MTRF1: variants seen among roughly 807,000 people sequenced by gnomAD.
MTRF1 encodes peptide chain release factor 1, mitochondrial.
MTRF1 carries 51 observed loss-of-function variants against 62.9 expected under a neutral mutation model. The ratio of observed to expected loss-of-function variants is 0.81; its 90% CI spans 0.65 to 1.02. The LOEUF (loss-of-function observed/expected upper bound fraction) is 1.02, where lower values mean the gene tolerates loss of function less well. Ranked by LOEUF, MTRF1 falls within the 50% of genes least tolerant of loss-of-function variation. The pLI is 0.00. For missense variants in MTRF1, 446 were observed against 530.0 expected, an observed-to-expected ratio of 0.84 and a Z score of 1.56; for synonymous variants, 158 against 181.9, an observed-to-expected ratio of 0.87 and a Z score of 1.06.
At chr13:41,254,872 TAGCTTAAAAC>T (rs1158764014) in intron 2 of MTRF1, among the ~76,000 whole-genome samples, 1 of 151,906 alleles carries the variant, frequency 6.6e-6, no homozygotes, top group Non-Finnish European at 1.5e-5. Context: ...AAAGGTAAAA[TAGCTTAAAAC>T]ATTTCATCTC....
Position 41,226,640 on chromosome 13 carries a change from A to G in MTRF1, c.989-72T>C, listed in dbSNP as rs936738169. On this transcript the variant is annotated intron_variant, in intron 7 of 9. Transcript: ENST00000379480. ...TTAAGATAGAACCAAGGAACAGTTA[A>G]ATGAGACAGGTTAATCAGGAAAAGA... 18 of 1,521,754 alleles carry G rather than the reference A, an allele frequency of 1.2e-5. No individual in the cohort carries two copies. In the African/African-American group the frequency reaches 1.9e-4, roughly 16 times the overall value. The allele number at this position is 1,521,754 out of a possible 1,614,324, so 94.3% of individuals were successfully genotyped here. A position where few individuals can be genotyped will look rare whatever the true frequency, so the allele number is the denominator to read the frequency against.
At chr13:41,224,527 T>C (rs953832266) in intron 8 of MTRF1, among the ~76,000 whole-genome samples, 11 of 152,240 alleles carry the variant, frequency 7.2e-5, no homozygotes, top group African/African-American at 1.9e-4. Flanking sequence ...ATCAGAATTA[T>C]GTATTTTGAG....
chr13:41,253,761 G>A (rs1260423167), intron 3 of MTRF1, among the ~76,000 whole-genome samples: 1 of 152,200 alleles, frequency 6.6e-6, no homozygotes, highest in Non-Finnish European at 1.5e-5. Context: ...CAGACTGAGA[G>A]TCAGACATCT....
intron 6 of MTRF1, among the ~76,000 whole-genome samples, chr13:41,239,102 A>T (rs75062227): frequency 4.8e-5 from 7 of 144,744 alleles, no homozygotes; most frequent in African/African-American, 7.6e-5. Flanking sequence ...GATCCTGGAT[A>T]AAAAAAAAAA....
chr13:41,287,504 A>T, the MTRF1 span, among the ~76,000 whole-genome samples: 1 of 152,206 alleles, frequency 6.6e-6, no homozygotes, highest in South Asian at 2.1e-4. Context: ...AAGGGGATCT[A>T]AAAAAATAAG....
intron 9 of MTRF1, among the ~76,000 whole-genome samples, chr13:41,218,816 G>A (rs766641248): frequency 1.3e-5 from 2 of 152,146 alleles, no homozygotes; most frequent in Non-Finnish European, 2.9e-5. Context: ...TTTAGGAAGT[G>A]TACACACACA....
At chr13:41,252,518 A>G in intron 5 of MTRF1, 127 bp downstream of exon 5, 1 of 634,000 alleles carries the variant, frequency 1.6e-6, no homozygotes, top group Non-Finnish European at 2.7e-6. Context: ...TGATGAGCCT[A>G]TGCCACAGTG....
chr13:41,253,260 C>G (rs574147140), intron 3 of MTRF1, among the ~76,000 whole-genome samples: 1 of 152,300 alleles, frequency 6.6e-6, no homozygotes, highest in East Asian at 1.9e-4. Flanking sequence ...GCACTGTTAT[C>G]AGATTATCTT....
the MTRF1 span, among the ~76,000 whole-genome samples, chr13:41,307,946 ACTAGTGCTGCTTT>A: frequency 6.6e-6 from 1 of 152,192 alleles, no homozygotes; most frequent in African/African-American, 2.4e-5. Flanking sequence ...CTAGTAGCAA[ACTAGTGCTGCTTT>A]CTAGTATTTG....
intron 9 of MTRF1, among the ~76,000 whole-genome samples, chr13:41,220,810 G>A (rs1197735428): frequency 6.6e-6 from 1 of 152,084 alleles, no homozygotes; most frequent in African/African-American, 2.4e-5. Flanking sequence ...ATATATTGCA[G>A]TTTCAGCCAC....
At chr13:41,235,589 A>G (rs930330963) in intron 6 of MTRF1, 6 of 152,402 alleles carry the variant, frequency 3.9e-5, no homozygotes, top group African/African-American at 1.2e-4. Flanking sequence ...AACTAAAGAC[A>G]GTAAAGGAGA....
At chr13:41,311,488 C>T in the MTRF1 span, 1 of 1,565,864 alleles carries the variant, frequency 6.4e-7, no homozygotes, top group Non-Finnish European at 8.7e-7. Context: ...GCCCGGGCAC[C>T]TAGCCTCCCT....
At chr13:41,279,966 T>C in the MTRF1 span, among the ~76,000 whole-genome samples, 1 of 152,084 alleles carries the variant, frequency 6.6e-6, no homozygotes, top group East Asian at 1.9e-4. Context: ...GAGACAGAGT[T>C]TTGCTCTGTT....
chr13:41,279,642 T>G, the MTRF1 span, among the ~76,000 whole-genome samples: 4 of 152,154 alleles, frequency 2.6e-5, 1 homozygote, highest in Non-Finnish European at 4.4e-5. Flanking sequence ...TGACTTACTT[T>G]TCAACCTGAC....
intron 9 of MTRF1, among the ~76,000 whole-genome samples, chr13:41,220,220 C>T (rs1593534988): frequency 6.9e-6 from 1 of 144,372 alleles, no homozygotes; most frequent in South Asian, 2.3e-4. Flanking sequence ...ATCCCAGCTA[C>T]TCAGGAGGCT....
chr13:41,299,790 A>C, the MTRF1 span, among the ~76,000 whole-genome samples: 1 of 151,994 alleles, frequency 6.6e-6, no homozygotes, highest in Non-Finnish European at 1.5e-5. Context: ...TCTGAATGAG[A>C]GAAATGTTTG....
chr13:41,285,397 A>G, the MTRF1 span, among the ~76,000 whole-genome samples: 3 of 152,128 alleles, frequency 2.0e-5, no homozygotes, highest in African/African-American at 7.2e-5. Context: ...TTTGGCTGAC[A>G]TTTTTGGTGT....
chr13:41,242,729 C>T (rs2037682297), intron 5 of MTRF1, among the ~76,000 whole-genome samples: 1 of 152,160 alleles, frequency 6.6e-6, no homozygotes, highest in Non-Finnish European at 1.5e-5. Flanking sequence ...CAAGTTTCCA[C>T]AGCCTTGGAA....
chr13:41,242,279 C>T (rs921855552), intron 5 of MTRF1, among the ~76,000 whole-genome samples: 2 of 152,178 alleles, frequency 1.3e-5, no homozygotes, highest in African/African-American at 4.8e-5. Flanking sequence ...CTAGTCCCAT[C>T]GTTGGCCCAT....
Sources: allele counts gnomAD v4.1 joint callset (sites outside exome capture counted in the v4.1 genomes callset), GRCh38; gene constraint gnomAD v4.1.1; transcripts MANE v1.5; gene names NCBI Gene and HGNC (gene_info 2026-07-23, HGNC 2026-07-21).